The following CSF1R variants were observed in gnomAD, a reference collection of about 807,000 sequenced individuals.
CSF1R encodes the protein colony stimulating factor 1 receptor.
A neutral mutation model predicts 110.0 loss-of-function variants in CSF1R; 40 were observed. The observed-to-expected ratio is 0.36, with a 90% CI of 0.28 to 0.47. The LOEUF (loss-of-function observed/expected upper bound fraction) is 0.47. Ranked by LOEUF, CSF1R falls within the 20% of genes least tolerant of loss-of-function variation. The probability of loss-of-function intolerance (pLI) is 0.99; values close to 1 mark genes in which losing one functional copy is unlikely to be tolerated. For missense variants in CSF1R, 1,052 were observed against 1,253.0 expected (o/e 0.84, Z 2.42); for synonymous variants, 523 against 503.4 (o/e 1.04, Z -0.52).
chr5:150,094,366 G>T, intron 1 of CSF1R: 2 of 1,599,962 alleles, frequency 1.3e-6, no homozygotes, highest in Admixed American at 1.7e-5. Flanking sequence ...AAGAAAAAGC[G>T]AAGGAATTTC....
At chr5:150,069,809 G>A (rs1376875525) in intron 9 of CSF1R, 64 bp downstream of exon 9, 28 of 1,250,844 alleles carry the variant, frequency 2.2e-5, no homozygotes, top group South Asian at 2.0e-4. Flanking sequence ...GGGAGGAGCC[G>A]CCTAAAGGAG....
At position 150,086,371 on chromosome 5, in the gene CSF1R, G is replaced by T; in HGVS notation, c.49+8C>A. 1.2e-6 allele frequency: 2 copies of T among 1,604,874 alleles called. No homozygotes were observed. Among genetic ancestry groups the T allele is most frequent in the Non-Finnish European group, 1.7e-6 (2 of 1,175,636 alleles). Reference sequence around the variant, plus strand: ...AACAAAGTCCCCCACCCCCCGTTCTGCTCTTACCATGCCAAGCTGTGGCCA... The same window carrying T: ...AACAAAGTCCCCCACCCCCCGTTCTTCTCTTACCATGCCAAGCTGTGGCCA... On this transcript the variant is annotated splice_region_variant and intron_variant, in intron 1 of 20. Coordinates refer to ENST00000675795, the MANE Select transcript of CSF1R (RefSeq NM_001288705.3).
At chr5:150,056,421 C>T in intron 16 of CSF1R, 80 bp from the exon 17 acceptor site, 8 of 1,569,990 alleles carry the variant, frequency 5.1e-6, no homozygotes, top group Non-Finnish European at 6.9e-6. Flanking sequence ...GGGAGGGCCC[C>T]ACATGGCTTT....
intron 10 of CSF1R, chr5:150,067,204 T>C (rs1465500968): frequency 6.6e-6 from 1 of 152,162 alleles, no homozygotes; most frequent in African/African-American, 2.4e-5. Context: ...CTTGGGGTTT[T>C]TTTTTTTAAC....
exon 1 of CSF1R, chr5:150,113,286 TCTCTTCCTCTTC>T (rs796927717): frequency 3.2e-5 from 5 of 156,386 alleles, no homozygotes; most frequent in South Asian, 2.0e-4. Flanking sequence ...CTCCGCTTCC[TCTCTTCCTCTTC>T]CTCTTCCTCT....
At chr5:150,111,205 C>A (rs1759707361) in intron 1 of CSF1R, among the ~76,000 whole-genome samples, 1 of 152,214 alleles carries the variant, frequency 6.6e-6, no homozygotes, top group South Asian at 2.1e-4. Flanking sequence ...TCATCAGCTG[C>A]AGGTCAGGGC....
chr5:150,073,512 A>AT lies in CSF1R; in HGVS notation c.890-20_890-19insA. ...GCACTCTCTGGAAAGCAGAACACAC[A>AT]AGCATCTGGCATTAGTGGGAAGATG... On this transcript the variant is annotated intron_variant, in intron 5 of 20. Coordinates refer to ENST00000675795, the MANE Select transcript of CSF1R (RefSeq NM_001288705.3). 1 of 1,605,820 alleles carries AT rather than the reference A, an allele frequency of 6.2e-7. No individual in the cohort carries two copies. Among genetic ancestry groups the AT allele is most frequent in the Non-Finnish European group, 8.5e-7 (1 of 1,173,666 alleles).
intron 10 of CSF1R, among the ~76,000 whole-genome samples, chr5:150,066,589 G>T (rs1291549994): frequency 6.6e-6 from 1 of 152,234 alleles, no homozygotes; most frequent in Non-Finnish European, 1.5e-5. Context: ...AGATCCGGAG[G>T]TATTGACCGG....
chr5:150,083,179 G>A (rs1417447442), intron 1 of CSF1R, among the ~76,000 whole-genome samples: 2 of 151,872 alleles, frequency 1.3e-5, no homozygotes, highest in African/African-American at 4.8e-5. Context: ...GGGGGCATGG[G>A]CTTATGAACA....
At chr5:150,084,462 G>C in intron 1 of CSF1R, among the ~76,000 whole-genome samples, 1 of 93,732 alleles carries the variant, frequency 1.1e-5, no homozygotes, top group African/African-American at 5.4e-5. Context: ...AAGGAAGAAA[G>C]AAAGGAAGGA....
chr5:150,059,351 C>T (rs1348791063), intron 14 of CSF1R, among the ~76,000 whole-genome samples: 1 of 152,182 alleles, frequency 6.6e-6, no homozygotes, highest in Non-Finnish European at 1.5e-5. Flanking sequence ...GCCACATCTG[C>T]CCATCTCTTA....
At chr5:150,095,676 T>A in intron 1 of CSF1R, among the ~76,000 whole-genome samples, 1 of 130,868 alleles carries the variant, frequency 7.6e-6, no homozygotes. Flanking sequence ...CGAGCAGAAA[T>A]CAATAAAATC....
chr5:150,090,932 T>C (rs547057964), upstream of CSF1R, among the ~76,000 whole-genome samples: 28 of 152,324 alleles, frequency 1.8e-4, no homozygotes. Context: ...CATTATGCAA[T>C]GTACCCATGT....
At chr5:150,076,205 T>G (rs1314412140) in intron 5 of CSF1R, among the ~76,000 whole-genome samples, 2 of 152,146 alleles carry the variant, frequency 1.3e-5, no homozygotes, top group Non-Finnish European at 2.9e-5. Context: ...CAGCCCATTC[T>G]CCAGCCTCCA....
At chr5:150,077,718 T>TC (rs1356591262) in intron 4 of CSF1R, among the ~76,000 whole-genome samples, 2 of 152,060 alleles carry the variant, frequency 1.3e-5, no homozygotes, top group Non-Finnish European at 2.9e-5. Context: ...CCTGGAATCC[T>TC]CCCTCCTCCT....
rs752638971 is a variant in CSF1R, at chr5:150,100,290, C to CTTTTTTTTTTTTTTTTTTTTTTTTTTT, written c.-181+12970_-181+12971insAAAAAAAAAAAAAAAAAAAAAAAAAAA. Among the ~76,000 whole-genome samples the CTTTTTTTTTTTTTTTTTTTTTTTTTTT allele has an allele frequency of 2.2e-5, 2 of 89,348 alleles. 1 individual carries two copies. 58.6% of individuals were successfully genotyped at this position (89,348 alleles called of 152,430 possible). On this transcript the variant is annotated intron_variant, in intron 1 of 21. Transcript: ENST00000286301. The stretch of plus-strand genomic sequence containing the variant: ...AGTGAACCTAAGATCATTGGCTAAC[C>CTTTTTTTTTTTTTTTTTTTTTTTTTTT]TTTTTTTTTTTTTTTTTTTTTTTCT...
At chr5:150,100,806 A>G (rs1306625718) in intron 1 of CSF1R, among the ~76,000 whole-genome samples, 2 of 151,628 alleles carry the variant, frequency 1.3e-5, no homozygotes, top group Non-Finnish European at 2.9e-5. Context: ...CTCAAACTGG[A>G]AAAAAAAATG....
At chr5:150,078,328 C>G in intron 3 of CSF1R, 80 bp from the exon 4 acceptor site, 1 of 1,532,662 alleles carries the variant, frequency 6.5e-7, no homozygotes, top group Non-Finnish European at 8.8e-7. Context: ...TGCCATGGGC[C>G]AGGACACACA....
chr5:150,078,756 G>A (rs1334342491), intron 3 of CSF1R, among the ~76,000 whole-genome samples: 6 of 152,110 alleles, frequency 3.9e-5, no homozygotes, highest in Non-Finnish European at 7.4e-5. Flanking sequence ...CAGGGCCTTT[G>A]CACCCACCTT....
Sources: allele counts gnomAD v4.1 joint callset (sites outside exome capture counted in the v4.1 genomes callset), GRCh38; gene constraint gnomAD v4.1.1; transcripts MANE v1.5; gene names NCBI Gene and HGNC (gene_info 2026-07-23, HGNC 2026-07-21).